SNRPC: variants seen among roughly 807,000 people sequenced by gnomAD.
The protein encoded by SNRPC is small nuclear ribonucleoprotein polypeptide C, also known as U1 small nuclear ribonucleoprotein C.
Under a neutral mutation model 20.0 loss-of-function variants are expected in SNRPC, and 5 were observed. That is an observed-to-expected ratio of 0.25 (90% CI 0.13 to 0.53). The LOEUF is 0.53. Among genes scored for constraint, SNRPC ranks in the 20% least tolerant of loss-of-function variants. The pLI is 0.96. For missense variants in SNRPC, 112 were observed against 224.1 expected (o/e 0.50, Z 3.19); for synonymous variants, 61 against 58.7 (o/e 1.04, Z -0.18).
At chr6:34,768,871 G>A (rs144247895) in intron 4 of SNRPC, among the ~76,000 whole-genome samples, 1,721 of 152,200 alleles carry the variant, frequency 0.011, 12 homozygotes, top group Non-Finnish European at 0.016. Context: ...TGACAGACAA[G>A]AGGAGACTGA....
At chr6:34,760,445 CAGTT>C (rs1764521436) in intron 2 of SNRPC, among the ~76,000 whole-genome samples, 1 of 152,044 alleles carries the variant, frequency 6.6e-6, no homozygotes, top group Admixed American at 6.6e-5. Context: ...AGTAGCTAGT[CAGTT>C]CTTCCTTATA....
intron 5 of SNRPC, 27 bp downstream of exon 5, chr6:34,770,422 T>A: frequency 7.0e-7 from 1 of 1,437,788 alleles, no homozygotes; most frequent in Non-Finnish European, 9.8e-7. Context: ...GTCTTTCTAG[T>A]TTGTTCCATT....
chr6:34,762,757 C>A (rs1581590087), intron 3 of SNRPC, 54 bp downstream of exon 3: 3 of 914,578 alleles, frequency 3.3e-6, no homozygotes, highest in Non-Finnish European at 5.4e-6. Flanking sequence ...TCTTTCTTAT[C>A]CCTGTCTCTG....
rs186505315 is a variant in SNRPC, at chr6:34,761,456, A to G, written c.52-1139A>G. Among the ~76,000 whole-genome samples the G allele has an allele frequency of 1.8e-3, 266 of 147,588 alleles. 1 individual carries two copies. The highest frequency in any genetic ancestry group is 6.2e-3 in the African/African-American group (248 of 39,980). On this transcript the variant is annotated intron_variant, in intron 2 of 5. Coordinates refer to ENST00000244520, the MANE Select transcript of SNRPC (RefSeq NM_003093.3). ...ACTGGCTGCTAGTCATGATTTTGTT[A>G]TTAGGCTTAAGGCATCATTGTATTA...
At chr6:34,758,282 A>C (rs1276641975) in intron 2 of SNRPC, among the ~76,000 whole-genome samples, 1 of 152,206 alleles carries the variant, frequency 6.6e-6, no homozygotes, top group Admixed American at 6.5e-5. Context: ...CTGCTTGTCA[A>C]ATAATAACAA....
intron 3 of SNRPC, among the ~76,000 whole-genome samples, chr6:34,764,578 G>A (rs1299734682): frequency 2.6e-5 from 4 of 151,990 alleles, no homozygotes; most frequent in Non-Finnish European, 4.4e-5. Context: ...CAGGAGAATC[G>A]CTCAAACCCA....
At position 34,757,571 on chromosome 6, in the gene SNRPC, C is replaced by G. The variant is rs1561788164; in HGVS notation, c.8+20C>G. On this transcript the variant is annotated intron_variant, in intron 1 of 5. Transcript: ENST00000244520. ...GCCCAAGTGAGTGGGGCCCCGAAAT[C>G]TGAGGGTGATCGTAGTCACTAGTTG... The G allele has an allele frequency of 1.2e-6, 2 of 1,611,488 alleles. No homozygotes were observed.
chr6:34,767,921 A>G lies in SNRPC; in HGVS notation c.174A>G (p.Gln58=), dbSNP rs1298681206. ...CACCCTCCAAAGCGGCTGCATTTCA[A>G]CAAGGAAAGATACCTCCTACTCCAT... The part of the protein sequence containing the change: ...SLIDKTTAAF[Q]QGKIPPTPFS... Residue 58 remains glutamine (Q), a synonymous_variant, in exon 4 of 6, where the codon CAA becomes CAG. Coordinates refer to ENST00000244520, the MANE Select transcript of SNRPC (RefSeq NM_003093.3). 3.8e-6 allele frequency: 6 copies of G among 1,597,680 alleles called. No homozygotes were observed. The highest frequency in any genetic ancestry group is 1.7e-4 in the Middle Eastern group (1 of 5,954).
In SNRPC at chr6:34,770,271, G is replaced by C; in HGVS notation, c.251-20G>C. ...AATATGTGAGCACACCTTAACCACA[G>C]GCTCCATTCTTTATTTCAGCGGGTC... On this transcript the variant is annotated intron_variant, in intron 4 of 5. Coordinates refer to ENST00000244520, the MANE Select transcript of SNRPC (RefSeq NM_003093.3). 1 of 1,510,256 alleles carries C rather than the reference G, an allele frequency of 6.6e-7. No homozygotes were observed. Among genetic ancestry groups the C allele is most frequent in the Non-Finnish European group, 9.2e-7 (1 of 1,085,872 alleles). 93.6% of individuals were successfully genotyped at this position (1,510,256 alleles called of 1,614,324 possible).
At chr6:34,769,315 C>T (rs1581593126) in intron 4 of SNRPC, among the ~76,000 whole-genome samples, 1 of 151,014 alleles carries the variant, frequency 6.6e-6, no homozygotes, top group Admixed American at 6.6e-5. Context: ...CTGCAACCTC[C>T]GCCTCCTGGG....
intron 1 of SNRPC, 160 bp from the exon 2 acceptor site, chr6:34,757,752 G>C: frequency 6.5e-7 from 1 of 1,547,174 alleles, no homozygotes; most frequent in East Asian, 2.3e-5. Context: ...ACAAAAAAAA[G>C]CCTGGTTTAT....
intron 4 of SNRPC, among the ~76,000 whole-genome samples, chr6:34,769,677 C>T (rs1764661979): frequency 6.6e-6 from 1 of 152,090 alleles, no homozygotes; most frequent in African/African-American, 2.4e-5. Flanking sequence ...TTGTCAGGAG[C>T]TCTATAGAAG....
rs2127408521 is a variant in SNRPC at position 34,773,393 on chromosome 6, A to G, written c.356-53A>G. 1 of 1,576,902 alleles carries G rather than the reference A, an allele frequency of 6.3e-7. No individual in the cohort carries two copies. The highest frequency in any genetic ancestry group is 8.7e-7 in the Non-Finnish European group (1 of 1,153,494). ...ATTGAAGTCCCATCAAACTCTCCCT[A>G]AATCGTATTTTCTGACTCCCTTTTT... On this transcript the variant is annotated intron_variant, in intron 5 of 5. Transcript: ENST00000244520. This position sits in a 1 kb window ranked among gnomAD's most constrained non-coding sequence, Gnocchi z 4.1.
intron 5 of SNRPC, among the ~76,000 whole-genome samples, chr6:34,772,689 T>C (rs901766308): frequency 1.3e-5 from 2 of 152,188 alleles, no homozygotes; most frequent in Non-Finnish European, 2.9e-5. Context: ...GTAAAATTAA[T>C]ATCCATGAAC....
chr6:34,763,672 C>A (rs1293472029), intron 3 of SNRPC, among the ~76,000 whole-genome samples: 1 of 113,640 alleles, frequency 8.8e-6, no homozygotes, highest in Non-Finnish European at 1.7e-5. Flanking sequence ...GAGAGTGAGA[C>A]TGTCTCAAAA....
At chr6:34,757,767 C>A (rs1305443591) in intron 1 of SNRPC, 145 bp from the exon 2 acceptor site, 2 of 1,573,346 alleles carry the variant, frequency 1.3e-6, no homozygotes, top group Non-Finnish European at 1.7e-6. Flanking sequence ...GTTTATGTGT[C>A]GACGCTTTGA....
rs553053636 is a variant in SNRPC, at chr6:34,766,945, ATATT to A, written c.161-957_161-954del. Among the ~76,000 whole-genome samples, 112 of 152,250 alleles carry A rather than the reference ATATT, an allele frequency of 7.4e-4. 1 individual carries two copies. Among genetic ancestry groups the A allele is most frequent in the African/African-American group, 2.5e-3 (105 of 41,540 alleles). On this transcript the variant is annotated intron_variant, in intron 3 of 5. Transcript: ENST00000244520. ...ATAGACTTTATGAGTGTGTATTTTAATATTTATTTGTGATTCTTTTCTAACACTA... is the reference window on the plus strand; with the variant it reads ...ATAGACTTTATGAGTGTGTATTTTAATATTTGTGATTCTTTTCTAACACTA...
At chr6:34,766,136 A>G (rs887945025) in intron 3 of SNRPC, among the ~76,000 whole-genome samples, 1 of 152,236 alleles carries the variant, frequency 6.6e-6, no homozygotes, top group Non-Finnish European at 1.5e-5. Context: ...AAAGATTTAC[A>G]GTATATTCTG....
rs1454850735 is a variant in SNRPC at position 34,767,894 on chromosome 6, C to A, written c.161-14C>A. 3 of 1,442,290 alleles carry A rather than the reference C, an allele frequency of 2.1e-6. No individual in the cohort carries two copies. Among genetic ancestry groups the A allele is most frequent in the Non-Finnish European group, 1.8e-6 (2 of 1,110,054 alleles). 89.3% of individuals were successfully genotyped at this position (1,442,290 alleles called of 1,614,324 possible). ...ATTCATCTTTTTTTTTTTTTTTTTC[C>A]TCACCCTCCAAAGCGGCTGCATTTC... On this transcript the variant is annotated splice_polypyrimidine_tract_variant and intron_variant, in intron 3 of 5. Coordinates refer to ENST00000244520, the MANE Select transcript of SNRPC (RefSeq NM_003093.3).
Sources: allele counts gnomAD v4.1 joint callset (sites outside exome capture counted in the v4.1 genomes callset), GRCh38; gene constraint gnomAD v4.1.1; non-coding constraint Gnocchi (gnomAD v3.1); transcripts MANE v1.5; gene names NCBI Gene and HGNC (gene_info 2026-07-23, HGNC 2026-07-21).